Variants in MTAP observed in about 807,000 individuals in gnomAD.
MTAP encodes the protein S-methyl-5'-thioadenosine phosphorylase.
In MTAP, 33 loss-of-function variants were observed where a neutral mutation model predicts 33.6. That is an observed-to-expected ratio of 0.98 (90% CI 0.74 to 1.31). The LOEUF (loss-of-function observed/expected upper bound fraction) is 1.31, where lower values mean the gene tolerates loss of function less well. Among genes scored for constraint, MTAP ranks in the 40% most tolerant of loss-of-function variants. The probability of loss-of-function intolerance (pLI) is 0.00; values close to 1 mark genes in which losing one functional copy is unlikely to be tolerated. For synonymous variants in MTAP, 148 were observed against 125.7 expected (o/e 1.18, Z -1.19); for missense variants, 367 against 360.0 (o/e 1.02, Z -0.16).
chr9:21,916,047 AGAGAGAGG>A (rs1218408879), intron 1 of MTAP, among the ~76,000 whole-genome samples: 1 of 119,838 alleles, frequency 8.3e-6, no homozygotes, highest in Admixed American at 9.8e-5. Context: ...AGAGAGAAGG[AGAGAGAGG>A]GAGGGAGGGA....
In MTAP at chr9:21,854,673, T is replaced by C; in HGVS notation, c.493T>C (p.Ser165Pro). ...TAKKLGLRCHSKGTMVTIEGP... is the reference protein window; with the variant it reads ...TAKKLGLRCHPKGTMVTIEGP... ...TAAGAAGCTAGGACTCCGGTGCCAC[T>C]CAAAGGGGACAATGGTCACAATCGA... The change falls in exon 6 of 8, where the codon TCA (serine) becomes CCA (proline). Residue 165 changes from serine to proline, a missense_variant. Transcript: ENST00000644715. 6 of 1,611,248 alleles carry C rather than the reference T, an allele frequency of 3.7e-6. No individual in the cohort carries two copies. The highest frequency in any genetic ancestry group is 5.1e-6 in the Non-Finnish European group (6 of 1,178,104).
intron 1 of MTAP, among the ~76,000 whole-genome samples, chr9:21,887,096 T>A (rs1184618008): frequency 6.6e-6 from 1 of 152,142 alleles, no homozygotes; most frequent in Non-Finnish European, 1.5e-5. Context: ...CATTTGTTTG[T>A]GTGATCTATG....
At position 21,859,370 on chromosome 9, in the gene MTAP, C is replaced by A. The variant is rs779723716; in HGVS notation, c.758C>A (p.Thr253Asn). 2 of 1,613,686 alleles carry A rather than the reference C, an allele frequency of 1.2e-6. No individual in the cohort carries two copies. The highest frequency in any genetic ancestry group is 1.7e-6 in the Non-Finnish European group (2 of 1,179,782). Residue 253 changes from threonine (T) to asparagine (N), a missense_variant, in exon 7 of 8, where the codon ACT (threonine) becomes AAT (asparagine). By Grantham distance (65) the Thr-to-Asn change is moderately conservative. Transcript: ENST00000644715. ...AATAAAGCCAAAAGCTTACTGCTCA[C>A]TACCATACCTCAGATAGGGTCCACA... is the stretch of plus-strand genomic sequence containing the variant. ...NANKAKSLLL[T>N]TIPQIGSTEW...
chr9:21,831,057 G>T (rs1011775026), intron 4 of MTAP, among the ~76,000 whole-genome samples: 2 of 152,100 alleles, frequency 1.3e-5, no homozygotes, highest in Non-Finnish European at 2.9e-5. Flanking sequence ...TGTGGTACAT[G>T]GGCCCTCCAT....
At chr9:21,846,418 A>G (rs1587241501) in intron 5 of MTAP, among the ~76,000 whole-genome samples, 1 of 86,952 alleles carries the variant, frequency 1.2e-5, no homozygotes, top group Non-Finnish European at 2.0e-5. Context: ...AATCAGCAAG[A>G]AAAAAAAAAA....
At chr9:21,848,777 A>G (rs1333339427) in intron 5 of MTAP, among the ~76,000 whole-genome samples, 1 of 152,154 alleles carries the variant, frequency 6.6e-6, no homozygotes, top group Admixed American at 6.5e-5. Flanking sequence ...AACTGTGGTA[A>G]TGTCAGATCT....
chr9:21,861,010 C>T (rs2118566250), intron 7 of MTAP: 1 of 152,366 alleles, frequency 6.6e-6, no homozygotes, highest in South Asian at 2.1e-4. Context: ...GATCCACCCG[C>T]TTTGGCCTCC....
chr9:21,815,415 T>C lies in MTAP; in HGVS notation c.34-18T>C, dbSNP rs1308110341. The C allele has an allele frequency of 4.6e-6, 7 of 1,512,742 alleles. No homozygotes were observed. Among genetic ancestry groups the C allele is most frequent in the Non-Finnish European group, 3.6e-6 (4 of 1,103,474 alleles). 93.7% of individuals were successfully genotyped at this position (1,512,742 alleles called of 1,614,324 possible). A position where few individuals can be genotyped will look rare whatever the true frequency, so the allele number is the denominator to read the frequency against. ...AATTACCAAATACAATAATCTTCTC[T>C]GTCTTTTTCTCTCTTAGATTGGAAT... On this transcript the variant is annotated intron_variant, in intron 1 of 7. Coordinates refer to ENST00000644715, the MANE Select transcript of MTAP (RefSeq NM_002451.4).
chr9:21,870,015 C>G (rs1825912913), downstream of MTAP, among the ~76,000 whole-genome samples: 1 of 152,192 alleles, frequency 6.6e-6, no homozygotes. Flanking sequence ...CAAGAACACA[C>G]CAGGCCCCCT....
downstream of MTAP, among the ~76,000 whole-genome samples, chr9:21,940,696 A>C (rs1374708813): frequency 1.3e-5 from 2 of 149,712 alleles, no homozygotes; most frequent in African/African-American, 2.5e-5. Flanking sequence ...AGGAATAGCC[A>C]AGTGGAAGAG....
intron 1 of MTAP, among the ~76,000 whole-genome samples, chr9:21,919,382 T>C (rs1818748472): frequency 6.6e-6 from 1 of 152,228 alleles, no homozygotes; most frequent in Non-Finnish European, 1.5e-5. Context: ...ACTTCATTCA[T>C]AAAAATTTAG....
intron 4 of MTAP, among the ~76,000 whole-genome samples, chr9:21,823,380 T>C (rs998540141): frequency 3.9e-5 from 6 of 152,202 alleles, no homozygotes; most frequent in Non-Finnish European, 8.8e-5. Context: ...GAAGCTTAGT[T>C]TGGCTGGATA....
chr9:21,811,483 G>T, intron 1 of MTAP: 1 of 214,604 alleles, frequency 4.7e-6, no homozygotes. Context: ...GCTTTCTTTG[G>T]GGTGTCTTTA....
chr9:21,885,434 T>G (rs933465097), intron 1 of MTAP, among the ~76,000 whole-genome samples: 3 of 151,624 alleles, frequency 2.0e-5, no homozygotes, highest in Non-Finnish European at 2.9e-5. Flanking sequence ...ATTTGCATTT[T>G]TTTTTATTTC....
rs1291218823 is a variant in MTAP at position 21,866,300 on chromosome 9, G to A, written c.*4286G>A. On this transcript the variant is annotated 3_prime_UTR_variant, in exon 8 of 8. Transcript: ENST00000644715. ...TGGATACACTCTTTTTCAGATATGTGTGTTGTGACTATTCTTAGTCTTTAG... is the reference window on the plus strand; with the variant it reads ...TGGATACACTCTTTTTCAGATATGTATGTTGTGACTATTCTTAGTCTTTAG... 3.3e-5 allele frequency: 5 copies of A among 152,082 alleles called. No homozygotes were observed. The highest frequency in any genetic ancestry group is 2.6e-4 in the Admixed American group (4 of 15,270). 9.4% of individuals were successfully genotyped at this position (152,082 alleles called of 1,614,324 possible).
At chr9:21,899,239 G>C (rs1430961135) in intron 1 of MTAP, among the ~76,000 whole-genome samples, 1 of 123,600 alleles carries the variant, frequency 8.1e-6, no homozygotes, top group Non-Finnish European at 1.7e-5. Flanking sequence ...GTTGTGGGGT[G>C]GGGGGAGGGG....
intron 1 of MTAP, among the ~76,000 whole-genome samples, chr9:21,928,305 A>G (rs889277296): frequency 3.3e-5 from 5 of 152,308 alleles, no homozygotes; most frequent in African/African-American, 1.2e-4. Context: ...AAATTATTCA[A>G]TAGGTTTGTC....
intron 1 of MTAP, among the ~76,000 whole-genome samples, chr9:21,884,511 A>G: frequency 6.6e-6 from 1 of 152,206 alleles, no homozygotes; most frequent in Admixed American, 6.5e-5. Flanking sequence ...AATACTATAG[A>G]CTGGATGCCT....
chr9:21,810,694 C>A (rs1015057773), intron 1 of MTAP, among the ~76,000 whole-genome samples: 1 of 152,230 alleles, frequency 6.6e-6, no homozygotes, highest in East Asian at 1.9e-4. Context: ...CCAGTGACCT[C>A]ATTTGATCTG....
Sources: allele counts gnomAD v4.1 joint callset (sites outside exome capture counted in the v4.1 genomes callset), GRCh38; gene constraint gnomAD v4.1.1; transcripts MANE v1.5; gene names NCBI Gene and HGNC (gene_info 2026-07-23, HGNC 2026-07-21).